EXPH5: variants seen among roughly 807,000 people sequenced by gnomAD.
The protein encoded by EXPH5 is exophilin-5.
A neutral mutation model predicts 41.1 loss-of-function variants in EXPH5; 42 were observed. That is an observed-to-expected ratio of 1.02 (90% confidence interval 0.80 to 1.32). The LOEUF is 1.32. Ranked by LOEUF, EXPH5 falls within the 40% of genes most tolerant of loss-of-function variation. EXPH5 has a pLI of 0.00. For synonymous variants in EXPH5, 798 were observed against 833.5 expected, an observed-to-expected ratio of 0.96 and a Z score of 0.73; for missense variants, 2,298 against 2,314.5, an observed-to-expected ratio of 0.99 and a Z score of 0.15.
At chr11:108,602,314 C>T in the EXPH5 span, among the ~76,000 whole-genome samples, 1 of 152,186 alleles carries the variant, frequency 6.6e-6, no homozygotes, top group Admixed American at 6.5e-5. Context: ...CACTGTTTTA[C>T]AGCTGTTCTT....
chr11:108,523,291 C>T (rs2093777078), intron 4 of EXPH5, among the ~76,000 whole-genome samples: 1 of 152,116 alleles, frequency 6.6e-6, no homozygotes, highest in Admixed American at 6.5e-5. Context: ...TTATCATTCC[C>T]ATTTTTTCAG....
intron 1 of EXPH5, among the ~76,000 whole-genome samples, chr11:108,551,246 T>C (rs1354263125): frequency 4.6e-5 from 7 of 152,212 alleles, no homozygotes; most frequent in Non-Finnish European, 7.3e-5. Context: ...CTGTGGGTAT[T>C]ATTAACCCCA....
chr11:108,576,451 T>A (rs773233895), intron 1 of EXPH5, among the ~76,000 whole-genome samples: 10 of 152,100 alleles, frequency 6.6e-5, no homozygotes, highest in Non-Finnish European at 1.5e-4. Context: ...ATGAAAATGT[T>A]TTGGTACTAG....
chr11:108,593,760 T>C lies in EXPH5; in HGVS notation c.-224A>G. ...TTTCTCTCAACCTGTCCAACCGAGATGCAAAGTGAACGGCTAAAGGGAGAG... is the reference window on the plus strand; with the variant it reads ...TTTCTCTCAACCTGTCCAACCGAGACGCAAAGTGAACGGCTAAAGGGAGAG... On this transcript the variant is annotated 5_prime_UTR_variant, in exon 1 of 6. Transcript: ENST00000265843. 8 of 1,535,754 alleles carry C rather than the reference T, an allele frequency of 5.2e-6. No homozygotes were observed. The highest frequency in any genetic ancestry group is 6.1e-6 in the Non-Finnish European group (7 of 1,146,842).
chr11:108,540,597 C>T lies in EXPH5; in HGVS notation c.280+1055G>A, dbSNP rs573478890. Among the ~76,000 whole-genome samples the T allele has an allele frequency of 6.6e-5, 10 of 152,240 alleles. 1 individual carries two copies. The South Asian group carries it at 2.1e-3, about 32-fold the overall frequency. ...ACATGCAAAAATGCAGTCAATGTGA[C>T]TCCGCGTCAGTAAAAAGATATTTTA... On this transcript the variant is annotated intron_variant, in intron 2 of 5. Transcript: ENST00000265843.
chr11:108,605,572 C>G, the EXPH5 span, among the ~76,000 whole-genome samples: 90,934 of 151,900 alleles, frequency 0.6, 28,075 homozygotes, highest in East Asian at 0.71. Context: ...CCCCCTCCTA[C>G]GCCCAGCAAA....
chr11:108,591,765 A>G (rs546235191), intron 1 of EXPH5, among the ~76,000 whole-genome samples: 10 of 152,230 alleles, frequency 6.6e-5, no homozygotes, highest in Non-Finnish European at 1.3e-4. Context: ...TTCCCTCTAA[A>G]GTCAACTGCA....
intron 1 of EXPH5, among the ~76,000 whole-genome samples, chr11:108,591,595 T>C (rs994542822): frequency 1.3e-5 from 2 of 152,244 alleles, no homozygotes; most frequent in Non-Finnish European, 2.9e-5. Context: ...TATAATACAG[T>C]ATCGATTTTG....
At chr11:108,599,033 A>AGG in the EXPH5 span, among the ~76,000 whole-genome samples, 1 of 149,038 alleles carries the variant, frequency 6.7e-6, no homozygotes, top group Non-Finnish European at 1.5e-5. Context: ...GGAAAAAGAG[A>AGG]CGGAGAGAGA....
In EXPH5 at chr11:108,536,934, C is replaced by T. The variant is rs150280915; in HGVS notation, c.443+2090G>A. On this transcript the variant is annotated intron_variant, in intron 3 of 5. Transcript: ENST00000265843. The stretch of plus-strand genomic sequence containing the variant: ...CTGAGTGTGACAGTCAAGCCCTTGA[C>T]GGCTTCAGCAAGTAGAAGCCTGACT... 1.0e-3 allele frequency among the ~76,000 whole-genome samples: 158 copies of T among 152,294 alleles called. 1 individual carries two copies. Among genetic ancestry groups the T allele is most frequent in the African/African-American group, 3.4e-3 (141 of 41,556 alleles).
chr11:108,573,148 G>GAA (rs2094067085), intron 1 of EXPH5, among the ~76,000 whole-genome samples: 2 of 108,364 alleles, frequency 1.8e-5, no homozygotes, highest in African/African-American at 9.0e-5. Context: ...AGGAAAGAAA[G>GAA]AAAGAAAGAA....
chr11:108,559,521 G>A (rs1301148218), intron 1 of EXPH5, among the ~76,000 whole-genome samples: 2 of 152,146 alleles, frequency 1.3e-5, no homozygotes, highest in Non-Finnish European at 2.9e-5. Flanking sequence ...TCTTGAATTT[G>A]TTAATTATAT....
At position 108,546,311 on chromosome 11, in the gene EXPH5, A is replaced by G. The variant is rs530574189; in HGVS notation, c.120-4499T>C. On this transcript the variant is annotated intron_variant, in intron 1 of 5. Transcript: ENST00000265843. ...GATTTGCATTTTAGAAGATCATCCT[A>G]GCTGCAGGTGGAGAGTAGATTCCAG... Among the ~76,000 whole-genome samples, 13 of 152,280 alleles carry G rather than the reference A, an allele frequency of 8.5e-5. No individual in the cohort carries two copies. In the South Asian group the frequency reaches 2.7e-3, roughly 32 times the overall value.
At chr11:108,535,289 C>G (rs1013445659) in intron 3 of EXPH5, among the ~76,000 whole-genome samples, 2 of 152,194 alleles carry the variant, frequency 1.3e-5, no homozygotes, top group Non-Finnish European at 2.9e-5. Context: ...TAATAATGAT[C>G]GGTCAGACCA....
rs757676545 is a variant in EXPH5 at position 108,528,134 on chromosome 11, A to C, written c.492+2T>G. 11 of 1,602,228 alleles carry C rather than the reference A, an allele frequency of 6.9e-6. No homozygotes were observed. The highest frequency in any genetic ancestry group is 1.3e-5 in the African/African-American group (1 of 74,798). ...GTAACCTGTAGTTATCTGGTTACTT[A>C]CCACAGCAGCTCCCCTCACAGGCAT... On this transcript the variant is annotated splice_donor_variant, in intron 4 of 5. Transcript: ENST00000265843. LOFTEE classifies it high-confidence loss of function.
chr11:108,525,074 T>A (rs1410540166), intron 4 of EXPH5, among the ~76,000 whole-genome samples: 1 of 152,188 alleles, frequency 6.6e-6, no homozygotes, highest in Non-Finnish European at 1.5e-5. Context: ...ATAAGAGGTT[T>A]TCCCTTTAGC....
At position 108,541,640 on chromosome 11, in the gene EXPH5, T is replaced by C; in HGVS notation, c.280+12A>G. On this transcript the variant is annotated intron_variant, in intron 2 of 5. Transcript: ENST00000265843. Reference sequence around the variant, plus strand: ...AAAGAAATCAACTTTAAATCTAAAATCTTTTTCTTACCATTTTTTGCCATC... The same window carrying C: ...AAAGAAATCAACTTTAAATCTAAAACCTTTTTCTTACCATTTTTTGCCATC... 1 of 1,579,930 alleles carries C rather than the reference T, an allele frequency of 6.3e-7. No individual in the cohort carries two copies. Among genetic ancestry groups the C allele is most frequent in the Non-Finnish European group, 8.6e-7 (1 of 1,158,032 alleles).
chr11:108,585,204 C>A (rs983230251), intron 1 of EXPH5, among the ~76,000 whole-genome samples: 10 of 152,094 alleles, frequency 6.6e-5, no homozygotes, highest in Non-Finnish European at 8.8e-5. Context: ...GAGGAGATAC[C>A]TCTACAAACC....
chr11:108,521,389 A>C (rs1279787598), intron 4 of EXPH5, among the ~76,000 whole-genome samples: 1 of 152,152 alleles, frequency 6.6e-6, no homozygotes, highest in African/African-American at 2.4e-5. Context: ...ACCTGCCCAA[A>C]TTTCATTGAC....
Sources: gnomAD v4.1 joint callset for allele counts (sites outside exome capture counted in the v4.1 genomes callset) on GRCh38, gnomAD v4.1.1 for gene constraint, MANE v1.5 for transcripts, NCBI Gene and HGNC (gene_info 2026-07-23, HGNC 2026-07-21) for gene names.